RGS7: variants seen among roughly 807,000 people sequenced by gnomAD.
The protein encoded by RGS7 is regulator of G protein signaling 7, also known as regulator of G-protein signaling 7.
A neutral mutation model predicts 81.1 loss-of-function variants in RGS7; 27 were observed. That is an observed-to-expected ratio of 0.33 (90% CI 0.25 to 0.46). RGS7 has a LOEUF of 0.46. RGS7 is among the 20% of genes least tolerant of loss of function. The pLI is 1.00. For synonymous variants in RGS7, 208 were observed against 207.7 expected (o/e 1.00, Z -0.01); for missense variants, 396 against 607.4 (o/e 0.65, Z 3.66).
At chr1:241,324,128 G>A (rs1016684854) in intron 2 of RGS7, among the ~76,000 whole-genome samples, 1 of 152,282 alleles carries the variant, frequency 6.6e-6, no homozygotes, top group East Asian at 1.9e-4. Flanking sequence ...GGAGCATGAT[G>A]GTGACAACAA....
intron 9 of RGS7, among the ~76,000 whole-genome samples, chr1:240,843,712 A>G (rs539276994): frequency 1.3e-5 from 2 of 152,318 alleles, no homozygotes; most frequent in East Asian, 3.9e-4. Context: ...TGTATTTGAG[A>G]GAGGATTTGC....
At chr1:241,319,919 C>T (rs143391049) in intron 2 of RGS7, among the ~76,000 whole-genome samples, 10 of 151,860 alleles carry the variant, frequency 6.6e-5, no homozygotes, top group Non-Finnish European at 1.2e-4. Context: ...GATGAAACCC[C>T]GTCTCTACTA....
intron 2 of RGS7, among the ~76,000 whole-genome samples, chr1:241,278,533 T>C (rs922335791): frequency 6.6e-6 from 1 of 151,806 alleles, no homozygotes; most frequent in African/African-American, 2.4e-5. Flanking sequence ...CGGTGCAGAG[T>C]TGGGTGAAGG....
chr1:240,862,227 T>C (rs539072465), intron 9 of RGS7, among the ~76,000 whole-genome samples: 12 of 152,310 alleles, frequency 7.9e-5, no homozygotes, highest in African/African-American at 2.9e-4. Flanking sequence ...CTAGAATGAT[T>C]ATTCTGTGTC....
intron 4 of RGS7, among the ~76,000 whole-genome samples, chr1:240,962,087 T>C (rs1681547990): frequency 6.6e-6 from 1 of 152,170 alleles, no homozygotes; most frequent in Non-Finnish European, 1.5e-5. Context: ...TGTTCCTTAC[T>C]TTCAACTCCC....
At chr1:240,977,502 C>G (rs1684313368) in intron 4 of RGS7, among the ~76,000 whole-genome samples, 1 of 152,150 alleles carries the variant, frequency 6.6e-6, no homozygotes, top group Non-Finnish European at 1.5e-5. Context: ...AAACTTTTGA[C>G]ATGATGGCAA....
At chr1:241,217,019 A>G (rs2074601677) in intron 2 of RGS7, among the ~76,000 whole-genome samples, 4 of 152,208 alleles carry the variant, frequency 2.6e-5, no homozygotes, top group Admixed American at 2.0e-4. Flanking sequence ...TGTAGAATGA[A>G]CATTTGTGTC....
chr1:241,315,670 G>C (rs980044639), intron 2 of RGS7, among the ~76,000 whole-genome samples: 3 of 152,150 alleles, frequency 2.0e-5, no homozygotes, highest in African/African-American at 4.8e-5. Context: ...CTTGTTTTCT[G>C]ATTTGGATGC....
chr1:240,959,926 G>A (rs1232484794), intron 4 of RGS7, among the ~76,000 whole-genome samples: 1 of 152,120 alleles, frequency 6.6e-6, no homozygotes, highest in Non-Finnish European at 1.5e-5. Context: ...TTGGGAGGCT[G>A]AGGTGGGTGG....
rs566515427 is a variant in RGS7, at chr1:240,900,334, C to T, written c.386-30215G>A. 4.6e-5 allele frequency among the ~76,000 whole-genome samples: 7 copies of T among 152,288 alleles called. No individual in the cohort carries two copies. The South Asian group carries it at 1.2e-3, about 27-fold the overall frequency. On this transcript the variant is annotated intron_variant, in intron 6 of 18. Transcript: ENST00000440928. ...CCATCCAGCTTTGTTCCGTTGCTGG[C>T]GAGGAGCTGCATTCCTTTGGAGGAG...
At chr1:240,953,638 T>C (rs2148445096) in intron 4 of RGS7, among the ~76,000 whole-genome samples, 1 of 152,084 alleles carries the variant, frequency 6.6e-6, no homozygotes, top group Non-Finnish European at 1.5e-5. Flanking sequence ...ATGCATTTAT[T>C]ACAAGAAAGA....
intron 2 of RGS7, among the ~76,000 whole-genome samples, chr1:241,136,373 T>C (rs56865839): frequency 0.07 from 10,660 of 152,186 alleles, 1,205 homozygotes; most frequent in African/African-American, 0.24. Flanking sequence ...TCTTCACCCT[T>C]TCCACAAGGA....
intron 2 of RGS7, among the ~76,000 whole-genome samples, chr1:241,324,729 A>G (rs981330537): frequency 6.6e-6 from 1 of 152,134 alleles, no homozygotes; most frequent in African/African-American, 2.4e-5. Context: ...CCTCATATCT[A>G]TTCATTTTCT....
In RGS7 at chr1:241,116,062, G is replaced by C. The variant is rs191563518; in HGVS notation, c.79-17300C>G. Among the ~76,000 whole-genome samples the C allele has an allele frequency of 2.0e-5, 3 of 152,096 alleles. No individual in the cohort carries two copies. In the East Asian group the frequency reaches 5.8e-4, roughly 29 times the overall value. On this transcript the variant is annotated intron_variant, in intron 2 of 18. Coordinates refer to ENST00000440928, the MANE Select transcript of RGS7 (RefSeq NM_001364886.1). ...TCTGCCATGACTGTAACTTTCCTGA[G>C]GCCTCCCAGTCATACTTCCTGTTAA...
intron 2 of RGS7, among the ~76,000 whole-genome samples, chr1:241,346,005 G>A (rs2082875501): frequency 6.6e-6 from 1 of 151,540 alleles, no homozygotes; most frequent in South Asian, 2.1e-4. Flanking sequence ...TGGAGCGAGA[G>A]TCCGTCTCAA....
intron 6 of RGS7, among the ~76,000 whole-genome samples, chr1:240,883,703 T>C (rs890520688): frequency 6.6e-6 from 1 of 152,218 alleles, no homozygotes; most frequent in African/African-American, 2.4e-5. Context: ...CCAGCTCTCA[T>C]ACTGTAAACA....
intron 3 of RGS7, among the ~76,000 whole-genome samples, chr1:241,061,560 T>G (rs1224889098): frequency 4.6e-5 from 7 of 152,202 alleles, no homozygotes; most frequent in African/African-American, 1.4e-4. Context: ...CTTAATCTAT[T>G]CCTAATAAGT....
chr1:240,814,540 A>G (rs1468572105), intron 12 of RGS7, among the ~76,000 whole-genome samples, 176 bp downstream of exon 12: 1 of 152,246 alleles, frequency 6.6e-6, no homozygotes, highest in Admixed American at 6.5e-5. Flanking sequence ...TTTAAACTAC[A>G]TCAAAAGAGT....
At chr1:241,237,653 A>G (rs1041394118) in intron 2 of RGS7, among the ~76,000 whole-genome samples, 1 of 152,346 alleles carries the variant, frequency 6.6e-6, no homozygotes, top group Admixed American at 6.5e-5. Flanking sequence ...TTTTAAAACA[A>G]TGTTGAGAAA....
Sources: gnomAD v4.1 joint callset for allele counts (sites outside exome capture counted in the v4.1 genomes callset) on GRCh38, gnomAD v4.1.1 for gene constraint, MANE v1.5 for transcripts, NCBI Gene and HGNC (gene_info 2026-07-23, HGNC 2026-07-21) for gene names.